The following CLN6 variants were observed in gnomAD, a reference collection of about 807,000 sequenced individuals.
CLN6 encodes the protein CLN6 transmembrane ER protein, also known as ceroid-lipofuscinosis neuronal protein 6.
A neutral mutation model predicts 33.3 loss-of-function variants in CLN6; 22 were observed. That is an observed-to-expected ratio of 0.66 (90% confidence interval 0.47 to 0.94). The LOEUF (loss-of-function observed/expected upper bound fraction) is 0.94, where lower values mean the gene tolerates loss of function less well. CLN6 is among the 40% of genes least tolerant of loss of function. The pLI is 0.00. For missense variants in CLN6, 387 were observed against 417.1 expected (o/e 0.93, Z 0.63); for synonymous variants, 201 against 174.6 (o/e 1.15, Z -1.19).
rs899215162 is a variant in CLN6, at chr15:68,228,565, A to G, written c.83+937T>C. Among the ~76,000 whole-genome samples the G allele has an allele frequency of 1.3e-5, 2 of 152,068 alleles. No homozygotes were observed. The highest frequency in any genetic ancestry group is 4.8e-5 in the African/African-American group (2 of 41,400). ...CTGCATCCTCCTGTCACTTTCTTTTACAGCCGGAAAGCTCCAGCACCACTA... is the reference window on the plus strand; with the variant it reads ...CTGCATCCTCCTGTCACTTTCTTTTGCAGCCGGAAAGCTCCAGCACCACTA... On this transcript the variant is annotated intron_variant, in intron 1 of 6. Coordinates refer to ENST00000249806, the MANE Select transcript of CLN6 (RefSeq NM_017882.3). The surrounding 1 kb of genome is among the most constrained non-coding windows in gnomAD (Gnocchi z 4.4).
At chr15:68,240,026 G>A (rs1245747825) in intron 1 of CLN6, among the ~76,000 whole-genome samples, 1 of 152,028 alleles carries the variant, frequency 6.6e-6, no homozygotes, top group Non-Finnish European at 1.5e-5. Context: ...GTCAAGTAAG[G>A]AATCATAAAA....
upstream of CLN6, among the ~76,000 whole-genome samples, chr15:68,234,019 C>A (rs1326964625): frequency 6.6e-6 from 1 of 152,078 alleles, no homozygotes. The surrounding 1 kb of genome is among the most constrained non-coding windows in gnomAD (Gnocchi z 4.1). Flanking sequence ...CTAGAAGCAA[C>A]GGGGGACAGG....
At chr15:68,257,173 G>A, upstream of CLN6, 1 of 288,888 alleles carries the variant, frequency 3.5e-6, no homozygotes, top group South Asian at 1.6e-4. Context: ...CGGAACGCAC[G>A]CGCCCGGCGT....
chr15:68,214,123 G>A (rs1036462683), intron 3 of CLN6, 167 bp downstream of exon 3: 6 of 616,792 alleles, frequency 9.7e-6, no homozygotes, highest in African/African-American at 7.4e-5. Context: ...CGGCAGCTCC[G>A]CCTTCCCCGG....
At chr15:68,221,765 CCAT>C (rs1438543800) in intron 1 of CLN6, among the ~76,000 whole-genome samples, 1 of 150,996 alleles carries the variant, frequency 6.6e-6, no homozygotes, top group Non-Finnish European at 1.5e-5. Context: ...GCCCAGCTGC[CCAT>C]CGTCTGGGAT....
At position 68,228,151 on chromosome 15, in the gene CLN6, C is replaced by G; in HGVS notation, c.83+1351G>C. ...GTGAGCTACAGTATGCGGTCTATGGCCAGTACATTGTTTCTAAGTGAAAAC... is the reference window on the plus strand; with the variant it reads ...GTGAGCTACAGTATGCGGTCTATGGGCAGTACATTGTTTCTAAGTGAAAAC... On this transcript the variant is annotated intron_variant, in intron 1 of 6. Transcript: ENST00000249806. The surrounding 1 kb of genome is among the most constrained non-coding windows in gnomAD (Gnocchi z 4.4). 6.6e-6 allele frequency among the ~76,000 whole-genome samples: 1 copy of G among 152,142 alleles called. No individual in the cohort carries two copies. The highest frequency in any genetic ancestry group is 1.5e-5 in the Non-Finnish European group (1 of 68,024).
chr15:68,211,981 A>G lies in CLN6; in HGVS notation c.298-118T>C. On this transcript the variant is annotated intron_variant, in intron 3 of 6. Transcript: ENST00000249806. The surrounding 1 kb of genome is among the most constrained non-coding windows in gnomAD (Gnocchi z 5.9). ...ACGCTTCCAGCTGGAATGTCACTCC[A>G]AAAAGTGGCTGGTCCCTTTAGCAGG... 9.2e-7 allele frequency: 1 copy of G among 1,088,948 alleles called. No individual in the cohort carries two copies. Among genetic ancestry groups the G allele is most frequent in the Non-Finnish European group, 1.3e-6 (1 of 752,848 alleles). The allele number at this position is 1,088,948 out of a possible 1,614,324, so 67.5% of individuals were successfully genotyped here.
At chr15:68,224,142 T>C (rs1047779728) in intron 1 of CLN6, among the ~76,000 whole-genome samples, 7 of 151,778 alleles carry the variant, frequency 4.6e-5, no homozygotes, top group African/African-American at 1.7e-4. Context: ...GGCACACATC[T>C]GTAGTTCCAG....
At chr15:68,214,801 A>G (rs532710086) in intron 2 of CLN6, 3 of 306,562 alleles carry the variant, frequency 9.8e-6, no homozygotes, top group East Asian at 8.5e-5. Flanking sequence ...TTCCCCATCT[A>G]TAACACAAGA....
At position 68,227,244 on chromosome 15, in the gene CLN6, G is replaced by C. The variant is rs2093254981; in HGVS notation, c.83+2258C>G. Among the ~76,000 whole-genome samples the C allele has an allele frequency of 6.6e-6, 1 of 151,858 alleles. No homozygotes were observed. The highest frequency in any genetic ancestry group is 1.5e-5 in the Non-Finnish European group (1 of 68,006). On this transcript the variant is annotated intron_variant, in intron 1 of 6. Transcript: ENST00000249806. This position sits in a 1 kb window ranked among gnomAD's most constrained non-coding sequence, Gnocchi z 4.1. ...AGTAGAGACGGGGATTCTCCATGTT[G>C]GCCAGGCTGGTCTCGAACTCCTGGA...
intron 1 of CLN6, among the ~76,000 whole-genome samples, chr15:68,225,650 C>G (rs7164981): frequency 0.068 from 10,358 of 152,144 alleles, 964 homozygotes; most frequent in African/African-American, 0.21. Flanking sequence ...TCACACATGG[C>G]TAATTTTTAA....
Position 68,209,553 on chromosome 15 carries a change from G to T in CLN6, c.665+84C>A. 6.4e-7 allele frequency: 1 copy of T among 1,571,812 alleles called. No individual in the cohort carries two copies. The highest frequency in any genetic ancestry group is 8.7e-7 in the Non-Finnish European group (1 of 1,153,300). On this transcript the variant is annotated intron_variant, in intron 6 of 6. Transcript: ENST00000249806. The surrounding 1 kb of genome is among the most constrained non-coding windows in gnomAD (Gnocchi z 4.9). The stretch of plus-strand genomic sequence containing the variant: ...GGGCCAGTCTCCCTGGGGCCACACA[G>T]CAGGTCCATTGGCAAGTGCAGAATT...
At chr15:68,221,861 C>T (rs1394441767) in intron 1 of CLN6, among the ~76,000 whole-genome samples, 15 of 148,668 alleles carry the variant, frequency 1.0e-4, no homozygotes, top group African/African-American at 2.8e-4. Flanking sequence ...AAGTGAGGAG[C>T]GCCTCTGCCT....
intron 1 of CLN6, among the ~76,000 whole-genome samples, chr15:68,238,358 C>G (rs542015067): frequency 6.6e-6 from 1 of 150,720 alleles, no homozygotes; most frequent in Non-Finnish European, 1.5e-5. Flanking sequence ...GAGTCCAGAT[C>G]GCGCCACTGC....
At chr15:68,229,730 C>G (rs1342475486), upstream of CLN6, 2 of 420,698 alleles carry the variant, frequency 4.8e-6, no homozygotes, top group Non-Finnish European at 7.3e-6. Flanking sequence ...GAGGAACAGG[C>G]GGGGCTGCGG....
intron 1 of CLN6, among the ~76,000 whole-genome samples, chr15:68,252,331 T>C (rs985076098): frequency 6.6e-6 from 1 of 152,078 alleles, no homozygotes; most frequent in Non-Finnish European, 1.5e-5. Flanking sequence ...GCAAAATACA[T>C]GAATAGGCAC....
Position 68,207,737 on chromosome 15 carries a change from C to G in CLN6, c.*403G>C. 1 of 310,038 alleles carries G rather than the reference C, an allele frequency of 3.2e-6. No individual in the cohort carries two copies. The highest frequency in any genetic ancestry group is 3.1e-5 in the South Asian group (1 of 32,520). The allele number at this position is 310,038 out of a possible 1,614,324, so 19.2% of individuals were successfully genotyped here. A position where few individuals can be genotyped will look rare whatever the true frequency, so the allele number is the denominator to read the frequency against. On this transcript the variant is annotated 3_prime_UTR_variant, in exon 7 of 7. Coordinates refer to ENST00000249806, the MANE Select transcript of CLN6 (RefSeq NM_017882.3). ...GCCAGGTGGTGGGCAGGTGACACAC[C>G]AGGTCCCCTCCTGGCCTCTGCCCCA...
chr15:68,225,568 G>C (rs989748922), intron 1 of CLN6, among the ~76,000 whole-genome samples: 8 of 152,148 alleles, frequency 5.3e-5, no homozygotes, highest in African/African-American at 1.7e-4. Context: ...TTGCAGCCTT[G>C]ACCTCCCAGG....
At chr15:68,229,404 A>T in intron 1 of CLN6, 98 bp downstream of exon 1, 1 of 967,596 alleles carries the variant, frequency 1.0e-6, no homozygotes, top group South Asian at 1.8e-5. Flanking sequence ...GCCGCACACG[A>T]GGTTCCCGCC....
Sources: allele counts gnomAD v4.1 joint callset (sites outside exome capture counted in the v4.1 genomes callset), GRCh38; gene constraint gnomAD v4.1.1; non-coding constraint Gnocchi (gnomAD v3.1); transcripts MANE v1.5; gene names NCBI Gene and HGNC (gene_info 2026-07-23, HGNC 2026-07-21).